The following ZCWPW2 variants were observed in gnomAD, a reference collection of about 807,000 sequenced individuals.
ZCWPW2 encodes the protein zinc finger CW-type PWWP domain protein 2.
A neutral mutation model predicts 46.6 loss-of-function variants in ZCWPW2; 45 were observed. The ratio of observed to expected loss-of-function variants is 0.96; its 90% CI spans 0.76 to 1.24. The LOEUF (loss-of-function observed/expected upper bound fraction) is 1.24. Among genes scored for constraint, ZCWPW2 ranks in the 50% most tolerant of loss-of-function variants. The pLI, the probability that ZCWPW2 is intolerant of heterozygous loss-of-function variation, is 0.00. For missense variants in ZCWPW2, 429 were observed against 403.9 expected, an observed-to-expected ratio of 1.06 and a Z score of -0.53; for synonymous variants, 152 against 137.1, an observed-to-expected ratio of 1.11 and a Z score of -0.76.
At chr3:28,371,995 CCTCCTCTTT>C (rs1482059293) in intron 1 of ZCWPW2, among the ~76,000 whole-genome samples, 14 of 151,664 alleles carry the variant, frequency 9.2e-5, no homozygotes, top group East Asian at 5.8e-4. Flanking sequence ...TCCTCCTGCT[CCTCCTCTTT>C]CTCCTCTTTC....
At chr3:28,425,164 A>G (rs942877281) in intron 3 of ZCWPW2, among the ~76,000 whole-genome samples, 19 of 152,192 alleles carry the variant, frequency 1.2e-4, no homozygotes, top group African/African-American at 4.6e-4. Context: ...TACCTCAATT[A>G]TCTCTAATCT....
At position 28,374,322 on chromosome 3, in the gene ZCWPW2, T is replaced by G. The variant is rs182618910; in HGVS notation, c.-133-16176T>G. ...GTGTAAATAGGTGGTATTATTTCTG[T>G]GTTCTCTATTCTGTTTAATTAGTCT... On this transcript the variant is annotated intron_variant, in intron 1 of 9. Coordinates refer to ENST00000383768, the MANE Select transcript of ZCWPW2 (RefSeq NM_001040432.4). 2.5e-3 allele frequency among the ~76,000 whole-genome samples: 386 copies of G among 152,280 alleles called. 1 individual carries two copies. The highest frequency in any genetic ancestry group is 8.4e-3 in the African/African-American group (350 of 41,558).
At chr3:28,515,715 CTGTGTGTGTGTGTG>C (rs10539082) in intron 8 of ZCWPW2, 94 bp downstream of exon 8, 3 of 666,438 alleles carry the variant, frequency 4.5e-6, no homozygotes, top group East Asian at 2.9e-5. Context: ...AAAAGATTTC[CTGTGTGTGTGTGTG>C]TGTGTGTGTG....
intron 3 of ZCWPW2, among the ~76,000 whole-genome samples, chr3:28,431,460 T>C (rs1329113545): frequency 6.6e-6 from 1 of 152,134 alleles, no homozygotes; most frequent in Non-Finnish European, 1.5e-5. Context: ...TGCCCTATCA[T>C]GGTCTTCCTT....
chr3:28,489,372 A>G (rs1699719414), intron 5 of ZCWPW2, among the ~76,000 whole-genome samples: 1 of 152,104 alleles, frequency 6.6e-6, no homozygotes, highest in Non-Finnish European at 1.5e-5. Context: ...TCCATCTTGT[A>G]ATTACCATAA....
intron 4 of ZCWPW2, among the ~76,000 whole-genome samples, chr3:28,477,411 A>G (rs1296347272): frequency 1.3e-5 from 2 of 152,218 alleles, no homozygotes; most frequent in Admixed American, 1.3e-4. Context: ...AATACTTTGT[A>G]TAATATACCA....
At chr3:28,453,837 ATTT>A (rs1235044218) in intron 4 of ZCWPW2, among the ~76,000 whole-genome samples, 108 of 138,824 alleles carry the variant, frequency 7.8e-4, no homozygotes, top group African/African-American at 2.9e-3. Flanking sequence ...ATTTATTTTT[ATTT>A]TTTTTATTAT....
intron 6 of ZCWPW2, among the ~76,000 whole-genome samples, chr3:28,501,432 C>T (rs186937733): frequency 9.2e-5 from 14 of 152,258 alleles, no homozygotes; most frequent in Admixed American, 3.3e-4. Flanking sequence ...GTGCGAGTGA[C>T]TCCATTCTAG....
chr3:28,408,738 C>T (rs1696267214), intron 2 of ZCWPW2, among the ~76,000 whole-genome samples: 1 of 152,114 alleles, frequency 6.6e-6, no homozygotes, highest in African/African-American at 2.4e-5. Context: ...ACTTATTAAA[C>T]AAAAGTAAAT....
At chr3:28,358,452 A>C (rs1317457046) in intron 1 of ZCWPW2, among the ~76,000 whole-genome samples, 3 of 152,110 alleles carry the variant, frequency 2.0e-5, no homozygotes, top group Non-Finnish European at 4.4e-5. Flanking sequence ...TTATAAAAAT[A>C]ATTGTCAAAT....
intron 4 of ZCWPW2, among the ~76,000 whole-genome samples, chr3:28,459,243 G>A (rs1009579979): frequency 1.3e-5 from 2 of 151,994 alleles, no homozygotes; most frequent in Admixed American, 6.6e-5. Context: ...GCTGGCAGGC[G>A]CCTCTAGTCC....
At chr3:28,445,325 A>T (rs1426407095) in intron 4 of ZCWPW2, among the ~76,000 whole-genome samples, 5 of 152,026 alleles carry the variant, frequency 3.3e-5, no homozygotes, top group Non-Finnish European at 7.4e-5. Flanking sequence ...TGCATAACTT[A>T]AGATACTGAT....
At chr3:28,428,123 C>T (rs1383125298) in intron 3 of ZCWPW2, 19 of 152,228 alleles carry the variant, frequency 1.2e-4, no homozygotes, top group Non-Finnish European at 1.3e-4. Context: ...AAACTCCACT[C>T]AAGTTTGCTC....
At chr3:28,483,107 TAGG>T (rs1264908480) in intron 5 of ZCWPW2, among the ~76,000 whole-genome samples, 1 of 152,188 alleles carries the variant, frequency 6.6e-6, no homozygotes, top group Admixed American at 6.5e-5. Context: ...TTTTATCTTC[TAGG>T]AGTTTTATAA....
At chr3:28,456,675 C>T (rs1383655369) in intron 4 of ZCWPW2, among the ~76,000 whole-genome samples, 1 of 152,048 alleles carries the variant, frequency 6.6e-6, no homozygotes, top group Non-Finnish European at 1.5e-5. Flanking sequence ...GAGTTTTTTA[C>T]ATGAAAGGAT....
intron 9 of ZCWPW2, among the ~76,000 whole-genome samples, chr3:28,523,120 CTTG>C (rs1428978954): frequency 3.3e-5 from 5 of 152,124 alleles, no homozygotes; most frequent in Non-Finnish European, 7.4e-5. Context: ...CAGGAGACTG[CTTG>C]TTGTTTTAGA....
intron 1 of ZCWPW2, among the ~76,000 whole-genome samples, chr3:28,390,104 T>C (rs1218193835): frequency 6.6e-6 from 1 of 152,302 alleles, no homozygotes; most frequent in Admixed American, 6.5e-5. Flanking sequence ...AGTTTACAGA[T>C]GGCCATGGGA....
At position 28,461,172 on chromosome 3, in the gene ZCWPW2, T is replaced by A. The variant is rs539429704; in HGVS notation, c.493-17642T>A. ...AAATTTTCTAAATTGAAGGTGCTTA[T>A]ATTTGCAGTTAGCTTTAATATTGAT... On this transcript the variant is annotated intron_variant, in intron 4 of 9. Coordinates refer to ENST00000383768, the MANE Select transcript of ZCWPW2 (RefSeq NM_001040432.4). The A allele has an allele frequency of 7.5e-5, 12 of 160,258 alleles. No individual in the cohort carries two copies. The South Asian group carries it at 1.9e-3, about 25-fold the overall frequency. 9.9% of individuals were successfully genotyped at this position (160,258 alleles called of 1,614,324 possible). A position where few individuals can be genotyped will look rare whatever the true frequency, so the allele number is the denominator to read the frequency against.
intron 8 of ZCWPW2, among the ~76,000 whole-genome samples, chr3:28,516,046 G>A (rs1202526464): frequency 1.3e-5 from 2 of 151,904 alleles, no homozygotes; most frequent in East Asian, 3.9e-4. Flanking sequence ...TTCAAGACCA[G>A]CCTGGTCAAC....
Sources: gnomAD v4.1 joint callset for allele counts (sites outside exome capture counted in the v4.1 genomes callset) on GRCh38, gnomAD v4.1.1 for gene constraint, MANE v1.5 for transcripts, NCBI Gene and HGNC (gene_info 2026-07-23, HGNC 2026-07-21) for gene names.